Variants in CC2D2B observed in about 807,000 individuals in gnomAD.
The protein encoded by CC2D2B is coiled-coil and C2 domain containing 2B.
In CC2D2B, 128 loss-of-function variants were observed where a neutral mutation model predicts 161.2. The ratio of observed to expected loss-of-function variants is 0.79; its 90% confidence interval spans 0.69 to 0.92. CC2D2B has a LOEUF of 0.92. CC2D2B is among the 40% of genes least tolerant of loss of function. The pLI, the probability that CC2D2B is intolerant of heterozygous loss-of-function variation, is 0.00. For missense variants in CC2D2B, 1,173 were observed against 1,375.1 expected, an observed-to-expected ratio of 0.85 and a Z score of 2.32; for synonymous variants, 391 against 449.8, an observed-to-expected ratio of 0.87 and a Z score of 1.65.
At chr10:95,910,681 T>C (rs2141091488) in intron 1 of CC2D2B, among the ~76,000 whole-genome samples, 1 of 152,360 alleles carries the variant, frequency 6.6e-6, no homozygotes. Flanking sequence ...TAGTATCTAT[T>C]AGTAGCCTTT....
intron 12 of CC2D2B, among the ~76,000 whole-genome samples, chr10:95,965,194 C>G (rs2076896755): frequency 6.6e-6 from 1 of 152,090 alleles, no homozygotes; most frequent in Non-Finnish European, 1.5e-5. Flanking sequence ...AAAAACTTGA[C>G]TCCTACATCA....
At chr10:95,969,011 G>A in intron 15 of CC2D2B, 110 bp downstream of exon 15, 1 of 429,594 alleles carries the variant, frequency 2.3e-6, no homozygotes, top group East Asian at 3.6e-5. Context: ...GTTAAGAGAT[G>A]GACTGATCTT....
chr10:95,927,370 C>T (rs1284817709), intron 6 of CC2D2B, 38 bp downstream of exon 6: 1 of 1,103,192 alleles, frequency 9.1e-7, no homozygotes, highest in South Asian at 1.4e-5. Flanking sequence ...ATCTCACTCT[C>T]AGGAAAAAAT....
In CC2D2B at chr10:95,955,387, G is replaced by C. The variant is rs898181437; in HGVS notation, c.1012-7G>C. The C allele has an allele frequency of 2.6e-6, 1 of 389,926 alleles. No individual in the cohort carries two copies. The highest frequency in any genetic ancestry group is 2.1e-5 in the African/African-American group (1 of 47,368). The allele number at this position is 389,926 out of a possible 1,614,324, so 24.2% of individuals were successfully genotyped here. Reference sequence around the variant, plus strand: ...TATACCGAAGAGCTCTTTTTTTTTTGTTATAGCTGAAAGCACTGACAGATG... The same window carrying C: ...TATACCGAAGAGCTCTTTTTTTTTTCTTATAGCTGAAAGCACTGACAGATG... On this transcript the variant is annotated splice_polypyrimidine_tract_variant and splice_region_variant and intron_variant, in intron 10 of 34. Coordinates refer to ENST00000646931, the MANE Select transcript of CC2D2B (RefSeq NM_001349008.3).
chr10:96,000,314 G>A (rs550932062), intron 24 of CC2D2B: 10 of 483,886 alleles, frequency 2.1e-5, no homozygotes, highest in African/African-American at 6.4e-5. Context: ...CTATTGTTTC[G>A]TCTGTCTTTA....
At chr10:95,933,984 C>T (rs530448379) in intron 6 of CC2D2B, among the ~76,000 whole-genome samples, 17 of 152,272 alleles carry the variant, frequency 1.1e-4, no homozygotes, top group East Asian at 1.9e-4. Context: ...TGCCCACAGC[C>T]GCCCCTTCCC....
At chr10:95,969,813 T>C (rs543827037) in intron 15 of CC2D2B, among the ~76,000 whole-genome samples, 80 of 152,156 alleles carry the variant, frequency 5.3e-4, no homozygotes, top group East Asian at 1.9e-4. Context: ...AATTGTGATA[T>C]AATAATCCAA....
intron 6 of CC2D2B, among the ~76,000 whole-genome samples, chr10:95,932,895 T>C (rs900611814): frequency 2.0e-5 from 3 of 152,164 alleles, no homozygotes; most frequent in African/African-American, 7.2e-5. Flanking sequence ...TTTGTGGTAT[T>C]CTCTGTATTT....
intron 32 of CC2D2B, among the ~76,000 whole-genome samples, chr10:96,023,960 A>T (rs1489166788): frequency 6.6e-6 from 1 of 152,162 alleles, no homozygotes; most frequent in African/African-American, 2.4e-5. Flanking sequence ...TCCTTTTTAC[A>T]CAACCCTCAT....
At chr10:96,009,436 C>A (rs1438702850) in intron 25 of CC2D2B, among the ~76,000 whole-genome samples, 1 of 152,086 alleles carries the variant, frequency 6.6e-6, no homozygotes, top group African/African-American at 2.4e-5. Context: ...GTTTTCTTAA[C>A]TGTTGCTCTC....
chr10:95,953,893 T>A (rs1356001130), intron 10 of CC2D2B, among the ~76,000 whole-genome samples: 1 of 152,190 alleles, frequency 6.6e-6, no homozygotes, highest in East Asian at 1.9e-4. Flanking sequence ...GTGTCTCACA[T>A]TGAGAGCCTT....
At chr10:95,953,936 C>G (rs903250689) in intron 10 of CC2D2B, among the ~76,000 whole-genome samples, 1 of 152,150 alleles carries the variant, frequency 6.6e-6, no homozygotes, top group South Asian at 2.1e-4. Flanking sequence ...CAGCAGATTT[C>G]CCCTGATATT....
chr10:95,987,862 C>CTA (rs1431690989), intron 19 of CC2D2B, among the ~76,000 whole-genome samples: 1 of 152,166 alleles, frequency 6.6e-6, no homozygotes, highest in African/African-American at 2.4e-5. Context: ...CAACTTGAAC[C>CTA]TAGGACTGTC....
At chr10:96,002,695 G>T (rs1173738722) in intron 24 of CC2D2B, among the ~76,000 whole-genome samples, 1 of 152,146 alleles carries the variant, frequency 6.6e-6, no homozygotes, top group Admixed American at 6.5e-5. Flanking sequence ...GAAATATAAG[G>T]AAACTTCCAC....
chr10:95,915,836 T>C (rs1306493857), intron 2 of CC2D2B, among the ~76,000 whole-genome samples: 1 of 152,212 alleles, frequency 6.6e-6, no homozygotes, highest in African/African-American at 2.4e-5. Context: ...GCATCAATGT[T>C]CATCAGATAC....
chr10:96,025,192 A>AAAT (rs1284499689), intron 33 of CC2D2B, among the ~76,000 whole-genome samples: 4 of 49,168 alleles, frequency 8.1e-5, no homozygotes, highest in East Asian at 6.4e-4. Context: ...TATAAAAAAA[A>AAAT]ATATATATAT....
Position 95,965,785 on chromosome 10 carries a change from T to TTGTGTGTGTG in CC2D2B, c.1251-83_1251-74dup, listed in dbSNP as rs59230785. 2.4e-3 allele frequency: 813 copies of TTGTGTGTGTG among 344,366 alleles called. 2 individuals are homozygous for TTGTGTGTGTG. Among genetic ancestry groups the TTGTGTGTGTG allele is most frequent in the African/African-American group, 8.9e-3 (408 of 45,832 alleles). 21.3% of individuals were successfully genotyped at this position (344,366 alleles called of 1,614,324 possible). On this transcript the variant is annotated intron_variant, in intron 12 of 34. Coordinates refer to ENST00000646931, the MANE Select transcript of CC2D2B (RefSeq NM_001349008.3). ...TAAAATTACTTGTAAGAGATTGGTTTTGTGTGTGTGTGTGTGTGTGTGTGT... is the reference window on the plus strand; with the variant it reads ...TAAAATTACTTGTAAGAGATTGGTTTTGTGTGTGTGTGTGTGTGTGTGTGTGTGTGTGTGT...
chr10:95,982,335 G>T (rs941799726), intron 18 of CC2D2B, among the ~76,000 whole-genome samples: 5 of 152,164 alleles, frequency 3.3e-5, no homozygotes, highest in African/African-American at 1.2e-4. Context: ...CCTGATGGAT[G>T]GTCCTCTGCC....
intron 24 of CC2D2B, among the ~76,000 whole-genome samples, chr10:95,999,103 CA>C (rs542718513): frequency 6.6e-6 from 1 of 152,014 alleles, no homozygotes; most frequent in African/African-American, 2.4e-5. Flanking sequence ...AAAAAACAAA[CA>C]AAAAAACCTT....
Sources: allele counts gnomAD v4.1 joint callset (sites outside exome capture counted in the v4.1 genomes callset), GRCh38; gene constraint gnomAD v4.1.1; transcripts MANE v1.5; gene names NCBI Gene and HGNC (gene_info 2026-07-23, HGNC 2026-07-21).